ESR1: variants seen among roughly 807,000 people sequenced by gnomAD.
ESR1 encodes estrogen receptor 1.
In ESR1, 12 loss-of-function variants were observed where a neutral mutation model predicts 52.7. The observed-to-expected ratio is 0.23, with a 90% CI of 0.15 to 0.37. The LOEUF is 0.37. Among genes scored for constraint, ESR1 ranks in the 10% least tolerant of loss-of-function variants. The probability of loss-of-function intolerance (pLI) is 1.00; values close to 1 mark genes in which losing one functional copy is unlikely to be tolerated. For missense variants in ESR1, 584 were observed against 779.7 expected (o/e 0.75, Z 2.99); for synonymous variants, 305 against 316.8 (o/e 0.96, Z 0.39).
chr6:152,093,591 T>G (rs117569204), intron 6 of ESR1, among the ~76,000 whole-genome samples: 3 of 152,148 alleles, frequency 2.0e-5, no homozygotes, highest in African/African-American at 7.2e-5. Flanking sequence ...GGCACTGTGA[T>G]GGTCTCACTT....
intron 6 of ESR1, among the ~76,000 whole-genome samples, chr6:152,117,027 T>C (rs543445286): frequency 6.6e-6 from 1 of 152,314 alleles, no homozygotes; most frequent in South Asian, 2.1e-4. Flanking sequence ...AGGTGGTAGC[T>C]TGGAAGCCCA....
intron 4 of ESR1, among the ~76,000 whole-genome samples, chr6:151,953,206 C>T (rs879456882): frequency 6.6e-6 from 1 of 152,176 alleles, no homozygotes; most frequent in Non-Finnish European, 1.5e-5. Flanking sequence ...AGCTATTTAT[C>T]CCCAAACAGT....
intron 3 of ESR1, among the ~76,000 whole-genome samples, chr6:151,918,097 C>A (rs1218518608): frequency 1.3e-5 from 2 of 152,148 alleles, no homozygotes; most frequent in East Asian, 3.9e-4. Flanking sequence ...AACTTGTGGG[C>A]AGATACCCAG....
intron 2 of ESR1, among the ~76,000 whole-genome samples, chr6:151,792,416 C>T (rs1190555538): frequency 1.3e-5 from 2 of 151,852 alleles, no homozygotes; most frequent in Non-Finnish European, 2.9e-5. Flanking sequence ...CATTAGCTTA[C>T]TGTATTTTTT....
chr6:151,926,790 C>A (rs898866375), intron 3 of ESR1, among the ~76,000 whole-genome samples: 20 of 152,106 alleles, frequency 1.3e-4, no homozygotes, highest in Non-Finnish European at 2.4e-4. Flanking sequence ...ATCATGCCAT[C>A]TGTGAATAAA....
chr6:152,113,023 A>G (rs1161239933), intron 6 of ESR1: 2 of 152,218 alleles, frequency 1.3e-5, no homozygotes, highest in Admixed American at 6.5e-5. Context: ...AGCTCACCCA[A>G]AGAGGATGCC....
chr6:151,902,274 C>A (rs1409091276), intron 3 of ESR1, among the ~76,000 whole-genome samples: 1 of 152,104 alleles, frequency 6.6e-6, no homozygotes, highest in Non-Finnish European at 1.5e-5. Flanking sequence ...GCTGTATCAC[C>A]TCACCCACCA....
chr6:152,075,662 C>T (rs2048682542), intron 6 of ESR1, among the ~76,000 whole-genome samples: 1 of 152,204 alleles, frequency 6.6e-6, no homozygotes, highest in African/African-American at 2.4e-5. Flanking sequence ...AGGTTTCTGG[C>T]TCATGTGATA....
At chr6:151,997,008 T>A (rs2041546148) in intron 4 of ESR1, among the ~76,000 whole-genome samples, 1 of 151,712 alleles carries the variant, frequency 6.6e-6, no homozygotes, top group African/African-American at 2.4e-5. Context: ...GCTAGTAAAA[T>A]GGGGCAATAA....
intron 2 of ESR1, among the ~76,000 whole-genome samples, chr6:151,731,125 G>A (rs770109069): frequency 6.6e-6 from 1 of 152,078 alleles, no homozygotes; most frequent in African/African-American, 2.4e-5. Flanking sequence ...AGGCCGAGAT[G>A]GGTGGATTAC....
At chr6:152,111,385 A>T (rs760620125) in intron 6 of ESR1, among the ~76,000 whole-genome samples, 1 of 152,208 alleles carries the variant, frequency 6.6e-6, no homozygotes, top group Non-Finnish European at 1.5e-5. Flanking sequence ...GCCGTTTGCC[A>T]AGAGCCAGTC....
At chr6:151,671,305 A>T (rs1778050034) in intron 1 of ESR1, among the ~76,000 whole-genome samples, 1 of 152,210 alleles carries the variant, frequency 6.6e-6, no homozygotes, top group African/African-American at 2.4e-5. Context: ...AGATGAATGG[A>T]TAAAGCAAAT....
chr6:151,754,109 A>G (rs1473730927), intron 2 of ESR1, among the ~76,000 whole-genome samples: 1 of 152,164 alleles, frequency 6.6e-6, no homozygotes, highest in East Asian at 1.9e-4. Context: ...GAGAACAAAA[A>G]CTCAAGTCAA....
At chr6:151,981,061 T>C (rs1479226593) in intron 4 of ESR1, among the ~76,000 whole-genome samples, 1 of 152,182 alleles carries the variant, frequency 6.6e-6, no homozygotes, top group African/African-American at 2.4e-5. Context: ...TATTTTCCAA[T>C]GATTAGAAAA....
chr6:151,743,683 C>T (rs6904063), intron 2 of ESR1, among the ~76,000 whole-genome samples: 6,135 of 152,246 alleles, frequency 0.04, 382 homozygotes, highest in African/African-American at 0.14. Context: ...TGGCATCTCT[C>T]ATTAGAACAG....
intron 6 of ESR1, chr6:152,121,960 C>T (rs1303104133): frequency 1.2e-5 from 2 of 166,238 alleles, no homozygotes; most frequent in African/African-American, 4.8e-5. Context: ...CATATAAGCT[C>T]TTAAAAATTG....
At chr6:151,726,451 C>T (rs969912639) in intron 2 of ESR1, among the ~76,000 whole-genome samples, 1 of 152,112 alleles carries the variant, frequency 6.6e-6, no homozygotes, top group African/African-American at 2.4e-5. Context: ...CCTGCCTCAG[C>T]CTCCCGAGTA....
intron 1 of ESR1, among the ~76,000 whole-genome samples, chr6:151,818,329 C>G (rs943445380): frequency 6.6e-6 from 1 of 152,168 alleles, no homozygotes; most frequent in African/African-American, 2.4e-5. Context: ...AGTGCCCACA[C>G]TACTTGACTA....
chr6:152,002,399 G>A (rs1321685273), intron 4 of ESR1, among the ~76,000 whole-genome samples: 1 of 151,988 alleles, frequency 6.6e-6, no homozygotes, highest in Non-Finnish European at 1.5e-5. Context: ...GTGTTTACCA[G>A]GAGCATACAG....
Sources: allele counts gnomAD v4.1 joint callset (sites outside exome capture counted in the v4.1 genomes callset), GRCh38; gene constraint gnomAD v4.1.1; transcripts MANE v1.5; gene names NCBI Gene and HGNC (gene_info 2026-07-23, HGNC 2026-07-21).